The following PGAP2 variants were observed in gnomAD, a reference collection of about 807,000 sequenced individuals.
PGAP2 encodes acyltransferase PGAP2.
PGAP2 carries 21 observed loss-of-function variants against 33.2 expected under a neutral mutation model. The observed-to-expected ratio is 0.63, with a 90% confidence interval of 0.45 to 0.91. The LOEUF is 0.91. Ranked by LOEUF, PGAP2 falls within the 40% of genes least tolerant of loss-of-function variation. The pLI is 0.00. For synonymous variants in PGAP2, 161 were observed against 172.9 expected, an observed-to-expected ratio of 0.93 and a Z score of 0.54; for missense variants, 345 against 424.0, an observed-to-expected ratio of 0.81 and a Z score of 1.64.
intron 3 of PGAP2, among the ~76,000 whole-genome samples, chr11:3,820,939 A>C (rs2134879574): frequency 6.6e-6 from 1 of 152,328 alleles, no homozygotes; most frequent in Non-Finnish European, 1.5e-5. Context: ...GCTCAAGGTC[A>C]CCCAGCTAAT....
intron 5 of PGAP2, chr11:3,824,643 C>T: frequency 1.4e-6 from 1 of 706,776 alleles, no homozygotes; most frequent in East Asian, 2.7e-5. Flanking sequence ...GGAGTCGCAT[C>T]TAGGCGGCAG....
At chr11:3,823,853 C>T (rs1488587351) in intron 3 of PGAP2, 30 bp from the exon 4 acceptor site, 1 of 1,597,530 alleles carries the variant, frequency 6.3e-7, no homozygotes, top group Non-Finnish European at 8.5e-7. Context: ...CTGGCAGAGG[C>T]AGATGCCCAG....
At chr11:3,808,451 G>A, upstream of PGAP2, 7 of 1,501,826 alleles carry the variant, frequency 4.7e-6, no homozygotes, top group Admixed American at 6.5e-5. Context: ...CCAGATTGAG[G>A]AGGAGAGCCA....
In PGAP2 at chr11:3,825,722, C is replaced by G; in HGVS notation, c.*264C>G. 1 of 197,750 alleles carries G rather than the reference C, an allele frequency of 5.1e-6. No homozygotes were observed. The highest frequency in any genetic ancestry group is 9.8e-6 in the Non-Finnish European group (1 of 102,550). 12.2% of individuals were successfully genotyped at this position (197,750 alleles called of 1,614,324 possible). A position where few individuals can be genotyped will look rare whatever the true frequency, so the allele number is the denominator to read the frequency against. On this transcript the variant is annotated 3_prime_UTR_variant, in exon 7 of 7. Coordinates refer to ENST00000278243, the MANE Select transcript of PGAP2 (RefSeq NM_014489.4). ...TGGCAGAGAGCTCCACCATTTGGTG[C>G]TAAAAAAAAAAACGTCCTGAGGTTC...
At chr11:3,804,891 G>A (rs1239216634), upstream of PGAP2, among the ~76,000 whole-genome samples, 1 of 152,100 alleles carries the variant, frequency 6.6e-6, no homozygotes, top group Non-Finnish European at 1.5e-5. Context: ...TAGTAGAGAT[G>A]TGGTTTTGTC....
intron 3 of PGAP2, among the ~76,000 whole-genome samples, chr11:3,822,369 G>A: frequency 6.7e-6 from 1 of 148,272 alleles, no homozygotes; most frequent in Non-Finnish European, 1.5e-5. Context: ...GTCTCAAAAA[G>A]AGAAAAAAAA....
intron 3 of PGAP2, chr11:3,822,973 C>T: frequency 6.6e-7 from 1 of 1,507,438 alleles, no homozygotes; most frequent in Middle Eastern, 1.7e-4. Flanking sequence ...AGAACATGGT[C>T]ATTTCCTTAG....
chr11:3,806,027 G>A (rs933874597), upstream of PGAP2, among the ~76,000 whole-genome samples: 5 of 152,038 alleles, frequency 3.3e-5, no homozygotes, highest in African/African-American at 4.8e-5. Context: ...TTTTATAGAC[G>A]AGGAAACAGA....
rs2085560618 is a variant in PGAP2 at position 3,811,502 on chromosome 11, A to G, written c.165+78A>G. On this transcript the variant is annotated intron_variant, in intron 2 of 6. Transcript: ENST00000278243. The surrounding 1 kb of genome is among the most constrained non-coding windows in gnomAD (Gnocchi z 4.6). ...TAGATCTTGAATATCTTTTAACAAGATTAGCCAGCTCTCCACTGGGGCCCA... is the reference window on the plus strand; with the variant it reads ...TAGATCTTGAATATCTTTTAACAAGGTTAGCCAGCTCTCCACTGGGGCCCA... 3 of 1,379,178 alleles carry G rather than the reference A, an allele frequency of 2.2e-6. No individual in the cohort carries two copies. Among genetic ancestry groups the G allele is most frequent in the South Asian group, 1.4e-5 (1 of 74,022 alleles). 85.4% of individuals were successfully genotyped at this position (1,379,178 alleles called of 1,614,324 possible). A position where few individuals can be genotyped will look rare whatever the true frequency, so the allele number is the denominator to read the frequency against.
chr11:3,807,078 G>A (rs1250711060), upstream of PGAP2, among the ~76,000 whole-genome samples: 1 of 150,930 alleles, frequency 6.6e-6, no homozygotes, highest in Non-Finnish European at 1.5e-5. Flanking sequence ...GCTTACACCT[G>A]TAATCCCAGC....
chr11:3,825,985 G>C lies in PGAP2; in HGVS notation c.*527G>C. 1 of 156,534 alleles carries C rather than the reference G, an allele frequency of 6.4e-6. No homozygotes were observed. 9.7% of individuals were successfully genotyped at this position (156,534 alleles called of 1,614,324 possible). A position where few individuals can be genotyped will look rare whatever the true frequency, so the allele number is the denominator to read the frequency against. On this transcript the variant is annotated 3_prime_UTR_variant, in exon 7 of 7. Coordinates refer to ENST00000278243, the MANE Select transcript of PGAP2 (RefSeq NM_014489.4). ...TTTTTGATTTGGTGTGTGCCCTAGG[G>C]TATGTACCCTTCCCCATCTGAGCCT... is the stretch of plus-strand genomic sequence containing the variant.
intron 1 of PGAP2, among the ~76,000 whole-genome samples, chr11:3,799,527 A>G (rs1485777691): frequency 1.1e-4 from 16 of 152,210 alleles, no homozygotes; most frequent in Admixed American, 1.0e-3. Flanking sequence ...ATCTCAAAAA[A>G]AATTTTTAAA....
chr11:3,798,834 G>C (rs1419805966), intron 1 of PGAP2, among the ~76,000 whole-genome samples: 1 of 150,454 alleles, frequency 6.6e-6, no homozygotes, highest in Non-Finnish European at 1.5e-5. Context: ...GTAGAGATGG[G>C]GTTTCACCAT....
At chr11:3,801,641 CAAA>C (rs772606488) in intron 1 of PGAP2, among the ~76,000 whole-genome samples, 7 of 76,768 alleles carry the variant, frequency 9.1e-5, no homozygotes, top group Admixed American at 1.7e-4. Context: ...GACTCCATCT[CAAA>C]AAAAAAAAAA....
chr11:3,807,522 G>A (rs1243201042), upstream of PGAP2, among the ~76,000 whole-genome samples: 2 of 151,634 alleles, frequency 1.3e-5, no homozygotes, highest in African/African-American at 4.8e-5. Flanking sequence ...TGGCCAGGCT[G>A]GTGTCAAACT....
At chr11:3,812,460 C>T (rs1393063593) in intron 2 of PGAP2, among the ~76,000 whole-genome samples, 1 of 152,116 alleles carries the variant, frequency 6.6e-6, no homozygotes, top group Non-Finnish European at 1.5e-5. Context: ...TAATTCCTGT[C>T]CTGCTCCTTC....
In PGAP2 at chr11:3,811,547, G is replaced by C; in HGVS notation, c.165+123G>C. ...GGCCCATCAAACATACGGGGCTGCTGGGGGGATGCCTGCAAATTGAAATCT... is the reference window on the plus strand; with the variant it reads ...GGCCCATCAAACATACGGGGCTGCTCGGGGGATGCCTGCAAATTGAAATCT... On this transcript the variant is annotated intron_variant, in intron 2 of 6. Coordinates refer to ENST00000278243, the MANE Select transcript of PGAP2 (RefSeq NM_014489.4). The surrounding 1 kb of genome is among the most constrained non-coding windows in gnomAD (Gnocchi z 4.6). 1 of 905,296 alleles carries C rather than the reference G, an allele frequency of 1.1e-6. No individual in the cohort carries two copies. The highest frequency in any genetic ancestry group is 2.7e-5 in the East Asian group (1 of 36,600). 56.1% of individuals were successfully genotyped at this position (905,296 alleles called of 1,614,324 possible). A position where few individuals can be genotyped will look rare whatever the true frequency, so the allele number is the denominator to read the frequency against.
intron 1 of PGAP2, 32 bp downstream of exon 1, chr11:3,808,683 G>A (rs2084926944): frequency 2.7e-6 from 3 of 1,097,886 alleles, no homozygotes; most frequent in African/African-American, 3.3e-5. Context: ...CTGGGCTGCC[G>A]GGCAGCCCCA....
intron 2 of PGAP2, among the ~76,000 whole-genome samples, chr11:3,812,939 C>T (rs2085909569): frequency 6.6e-6 from 1 of 152,146 alleles, no homozygotes; most frequent in Admixed American, 6.6e-5. Context: ...GGAAGGAGTA[C>T]CCTTTTGTGA....
Sources: allele counts gnomAD v4.1 joint callset (sites outside exome capture counted in the v4.1 genomes callset), GRCh38; gene constraint gnomAD v4.1.1; non-coding constraint Gnocchi (gnomAD v3.1); transcripts MANE v1.5; gene names NCBI Gene and HGNC (gene_info 2026-07-23, HGNC 2026-07-21).